CCDC7: variants seen among roughly 807,000 people sequenced by gnomAD.
The protein encoded by CCDC7 is coiled-coil domain-containing protein 7.
Under a neutral mutation model 196.9 loss-of-function variants are expected in CCDC7, and 183 were observed. That is an observed-to-expected ratio of 0.93 (90% CI 0.82 to 1.05). The LOEUF is 1.05. Ranked by LOEUF, CCDC7 falls within the 50% of genes least tolerant of loss-of-function variation. The pLI is 0.00. For missense variants in CCDC7, 1,540 were observed against 1,482.2 expected, an observed-to-expected ratio of 1.04 and a Z score of -0.64; for synonymous variants, 525 against 484.6, an observed-to-expected ratio of 1.08 and a Z score of -1.10.
chr10:32,548,050 G>T (rs2052776576), intron 13 of CCDC7, among the ~76,000 whole-genome samples: 1 of 152,018 alleles, frequency 6.6e-6, no homozygotes, highest in African/African-American at 2.4e-5. Context: ...TAAATATTTG[G>T]TGCCGCCAAA....
intron 28 of CCDC7, among the ~76,000 whole-genome samples, chr10:32,731,928 C>A (rs191498133): frequency 6.6e-6 from 1 of 152,170 alleles, no homozygotes; most frequent in African/African-American, 2.4e-5. Flanking sequence ...TGGCACGCGC[C>A]TGTAGTCCCG....
intron 8 of CCDC7, among the ~76,000 whole-genome samples, chr10:32,477,968 A>T (rs2134056491): frequency 6.6e-6 from 1 of 152,318 alleles, no homozygotes; most frequent in East Asian, 1.9e-4. Flanking sequence ...CATTCTATGA[A>T]CTTGAAATAT....
chr10:32,609,200 G>T (rs1022710341), intron 18 of CCDC7, among the ~76,000 whole-genome samples: 2 of 152,098 alleles, frequency 1.3e-5, no homozygotes, highest in Non-Finnish European at 2.9e-5. Flanking sequence ...GTCCAATGCT[G>T]CTGTGTTGAT....
At chr10:32,713,561 C>T (rs1022102800) in intron 25 of CCDC7, among the ~76,000 whole-genome samples, 8 of 152,248 alleles carry the variant, frequency 5.3e-5, no homozygotes, top group African/African-American at 1.9e-4. Context: ...CTACTCAAGT[C>T]TCAAGATTCA....
intron 5 of CCDC7, among the ~76,000 whole-genome samples, chr10:32,469,131 A>G (rs2037430202): frequency 2.6e-5 from 4 of 152,196 alleles, no homozygotes; most frequent in Admixed American, 2.0e-4. Context: ...CTTCTGTTAA[A>G]ATTTAATCTG....
intron 41 of CCDC7, among the ~76,000 whole-genome samples, chr10:32,861,857 C>G (rs1331678878): frequency 6.6e-6 from 1 of 152,054 alleles, no homozygotes; most frequent in East Asian, 1.9e-4. Context: ...AAATCAAAAC[C>G]ACAATGAGAT....
chr10:32,545,999 A>G (rs56772501), intron 13 of CCDC7, among the ~76,000 whole-genome samples: 8,027 of 151,074 alleles, frequency 0.053, 704 homozygotes, highest in African/African-American at 0.18. Flanking sequence ...AGAATAGAGA[A>G]GGAGAGGTGG....
At chr10:32,448,818 T>G (rs886913987), upstream of CCDC7, among the ~76,000 whole-genome samples, 1 of 152,110 alleles carries the variant, frequency 6.6e-6, no homozygotes, top group Non-Finnish European at 1.5e-5. Flanking sequence ...TTGCTAATTA[T>G]TTATATTTTT....
chr10:32,587,639 T>C (rs1224946192), intron 18 of CCDC7, among the ~76,000 whole-genome samples: 2 of 152,254 alleles, frequency 1.3e-5, no homozygotes, highest in African/African-American at 2.4e-5. Flanking sequence ...TGAATTTATA[T>C]GTTAACTCTA....
intron 28 of CCDC7, among the ~76,000 whole-genome samples, chr10:32,762,490 A>G (rs954186222): frequency 4.6e-5 from 7 of 151,752 alleles, no homozygotes; most frequent in Admixed American, 4.6e-4. Context: ...AAAATTCTAT[A>G]ACTTCTATGG....
At chr10:32,870,248 T>G (rs2094378880) in intron 41 of CCDC7, among the ~76,000 whole-genome samples, 1 of 152,206 alleles carries the variant, frequency 6.6e-6, no homozygotes, top group African/African-American at 2.4e-5. Flanking sequence ...TGTTCTTCCA[T>G]TTGTTTGTGT....
In CCDC7 at chr10:32,685,962, TTATG is replaced by T; in HGVS notation, c.2123-5_2123-2del. The stretch of plus-strand genomic sequence containing the variant: ...ATTTAGTGGAATAAATGTATTTTCT[TTATG>T]TAGCTCATAATGAAGTACCAAATGA... On this transcript the variant is annotated splice_polypyrimidine_tract_variant and splice_region_variant and intron_variant, in intron 21 of 41. Coordinates refer to ENST00000639629, the Ensembl canonical transcript of CCDC7. The T allele has an allele frequency of 5.7e-6, 8 of 1,411,634 alleles. No homozygotes were observed. Among genetic ancestry groups the T allele is most frequent in the Non-Finnish European group, 7.7e-6 (8 of 1,032,282 alleles). 87.4% of individuals were successfully genotyped at this position (1,411,634 alleles called of 1,614,324 possible).
chr10:32,798,340 A>G (rs1449250502), intron 29 of CCDC7, among the ~76,000 whole-genome samples: 1 of 152,212 alleles, frequency 6.6e-6, no homozygotes, highest in Non-Finnish European at 1.5e-5. Flanking sequence ...GGTGAGTGGA[A>G]GTCCACATTG....
chr10:32,539,895 A>AT (rs143061135), intron 11 of CCDC7, among the ~76,000 whole-genome samples: 13 of 151,032 alleles, frequency 8.6e-5, no homozygotes, highest in Admixed American at 6.6e-5. Flanking sequence ...TATGATTTTG[A>AT]TTTTTTTTTA....
chr10:32,462,879 G>C, intron 4 of CCDC7, 138 bp from the exon 6 acceptor site: 1 of 1,370,814 alleles, frequency 7.3e-7, no homozygotes, highest in Non-Finnish European at 1.0e-6. Flanking sequence ...TGAATCCCAA[G>C]TGATGTTTCG....
At chr10:32,733,006 A>C (rs1375456058) in intron 28 of CCDC7, among the ~76,000 whole-genome samples, 1 of 152,114 alleles carries the variant, frequency 6.6e-6, no homozygotes, top group Non-Finnish European at 1.5e-5. Flanking sequence ...ATTCATATTT[A>C]ATGTAAGTAC....
chr10:32,649,190 A>G (rs1008766557), intron 20 of CCDC7, among the ~76,000 whole-genome samples: 1 of 152,210 alleles, frequency 6.6e-6, no homozygotes, highest in East Asian at 1.9e-4. Context: ...GTCAGGAAGA[A>G]TAGCCACTGG....
At chr10:32,577,259 G>A (rs2058307936) in intron 16 of CCDC7, among the ~76,000 whole-genome samples, 1 of 152,086 alleles carries the variant, frequency 6.6e-6, no homozygotes, top group Admixed American at 6.5e-5. Flanking sequence ...CTACTTAGGA[G>A]GCTGAGGCAG....
exon 3 of CCDC7, chr10:32,456,274 C>T (rs1215353910): frequency 1.9e-6 from 3 of 1,566,288 alleles, no homozygotes; most frequent in East Asian, 2.3e-5. Context: ...TGAATTCATT[C>T]TTGACATATT....
Sources: gnomAD v4.1 joint callset for allele counts (sites outside exome capture counted in the v4.1 genomes callset) on GRCh38, gnomAD v4.1.1 for gene constraint, MANE v1.5 for transcripts, NCBI Gene and HGNC (gene_info 2026-07-23, HGNC 2026-07-21) for gene names.